Variants in PRKN observed in about 807,000 individuals in gnomAD.
PRKN encodes the protein E3 ubiquitin-protein ligase parkin.
Under a neutral mutation model 59.5 loss-of-function variants are expected in PRKN, and 56 were observed. The observed-to-expected ratio is 0.94, with a 90% CI of 0.76 to 1.18. PRKN has a LOEUF of 1.18. Among genes scored for constraint, PRKN ranks in the 50% most tolerant of loss-of-function variants. The probability of loss-of-function intolerance (pLI) is 0.00; values close to 1 mark genes in which losing one functional copy is unlikely to be tolerated. For missense variants in PRKN, 657 were observed against 596.4 expected, an observed-to-expected ratio of 1.10 and a Z score of -1.06; for synonymous variants, 250 against 222.1, an observed-to-expected ratio of 1.13 and a Z score of -1.12.
chr6:162,127,353 T>A (rs537599941), intron 4 of PRKN, among the ~76,000 whole-genome samples: 2 of 152,342 alleles, frequency 1.3e-5, no homozygotes, highest in African/African-American at 4.8e-5. Context: ...TGCTTTTCAT[T>A]GCTGTCTAGC....
chr6:161,570,622 C>T (rs1367317171), intron 7 of PRKN, among the ~76,000 whole-genome samples: 3 of 152,064 alleles, frequency 2.0e-5, no homozygotes, highest in Middle Eastern at 3.4e-3. Context: ...TTCTTAATAA[C>T]ATTTTCCTTT....
At chr6:162,520,589 C>G in intron 1 of PRKN, among the ~76,000 whole-genome samples, 1 of 152,100 alleles carries the variant, frequency 6.6e-6, no homozygotes, top group South Asian at 2.1e-4. Flanking sequence ...AATATTATTA[C>G]AAACCAATGA....
chr6:162,486,267 C>T (rs1311696898), intron 1 of PRKN, among the ~76,000 whole-genome samples: 2 of 152,128 alleles, frequency 1.3e-5, no homozygotes, highest in Non-Finnish European at 2.9e-5. Context: ...ATATGATGCA[C>T]ATATCAATCT....
intron 9 of PRKN, among the ~76,000 whole-genome samples, chr6:161,489,230 T>C (rs1422509818): frequency 2.6e-5 from 3 of 113,392 alleles, no homozygotes; most frequent in Non-Finnish European, 4.3e-5. Context: ...ACATTCATAC[T>C]GGAAAAAAAA....
intron 4 of PRKN, among the ~76,000 whole-genome samples, chr6:162,116,599 C>T (rs1159857478): frequency 6.6e-6 from 1 of 152,192 alleles, no homozygotes; most frequent in Non-Finnish European, 1.5e-5. Context: ...GTTTACGCTG[C>T]ACATTTAGAT....
At chr6:162,316,219 C>T (rs1316498438) in intron 2 of PRKN, among the ~76,000 whole-genome samples, 1 of 150,394 alleles carries the variant, frequency 6.6e-6, no homozygotes, top group Non-Finnish European at 1.5e-5. Flanking sequence ...GAAAGCAAAA[C>T]TCCATAAGAA....
At chr6:162,322,355 A>T (rs1416238797) in intron 2 of PRKN, among the ~76,000 whole-genome samples, 1 of 152,146 alleles carries the variant, frequency 6.6e-6, no homozygotes, top group Non-Finnish European at 1.5e-5. Context: ...ACGTAACATT[A>T]TTAAAATGTC....
chr6:161,445,141 T>C lies in PRKN; in HGVS notation c.1084-58264A>G, dbSNP rs1789425100. On this transcript the variant is annotated intron_variant, in intron 9 of 11. Transcript: ENST00000366898. The surrounding 1 kb of genome is among the most constrained non-coding windows in gnomAD (Gnocchi z 7.7). ...TCTTGAACTTGACGTGCTCAGCCTC[T>C]CCAAAGCCGCGGCGCTGACACAGCT... Among the ~76,000 whole-genome samples, 1 of 152,088 alleles carries C rather than the reference T, an allele frequency of 6.6e-6. No homozygotes were observed. Among genetic ancestry groups the C allele is most frequent in the Admixed American group, 6.6e-5 (1 of 15,266 alleles).
At chr6:161,587,028 C>A (rs114779337) in intron 7 of PRKN, among the ~76,000 whole-genome samples, 2 of 152,142 alleles carry the variant, frequency 1.3e-5, no homozygotes, top group Non-Finnish European at 2.9e-5. Context: ...CTACACTTAC[C>A]GCTATTGAGG....
At chr6:162,520,128 G>T (rs1379905117) in intron 1 of PRKN, among the ~76,000 whole-genome samples, 1 of 152,036 alleles carries the variant, frequency 6.6e-6, no homozygotes, top group Non-Finnish European at 1.5e-5. Context: ...TAGTGTGGAA[G>T]AACACATTTT....
At position 161,405,415 on chromosome 6, in the gene PRKN, C is replaced by T. The variant is rs4358593; in HGVS notation, c.1084-18538G>A. On this transcript the variant is annotated intron_variant, in intron 9 of 11. Coordinates refer to ENST00000366898, the MANE Select transcript of PRKN (RefSeq NM_004562.3). This position sits in a 1 kb window ranked among gnomAD's most constrained non-coding sequence, Gnocchi z 5.1. Reference sequence around the variant, plus strand: ...CAACATGGTGAAACCCCGTCTCTACCGAAAATGCACAAATTAGCCAGGCAT... The same window carrying T: ...CAACATGGTGAAACCCCGTCTCTACTGAAAATGCACAAATTAGCCAGGCAT... 0.068 allele frequency among the ~76,000 whole-genome samples: 10,232 copies of T among 151,484 alleles called. 410 individuals are homozygous for T. The highest frequency in any genetic ancestry group is 0.08 in the Non-Finnish European group (5,434 of 67,858).
intron 4 of PRKN, among the ~76,000 whole-genome samples, chr6:162,120,157 C>A (rs2128305247): frequency 6.6e-6 from 1 of 152,250 alleles, no homozygotes; most frequent in East Asian, 1.9e-4. Context: ...GGACCACAAG[C>A]ACACCCAGCT....
At chr6:161,564,216 T>C (rs573207421) in intron 8 of PRKN, among the ~76,000 whole-genome samples, 2 of 152,286 alleles carry the variant, frequency 1.3e-5, no homozygotes, top group Admixed American at 6.5e-5. Context: ...GGGAGCCTCA[T>C]TGCCACCATC....
chr6:162,682,717 C>T (rs1430300714), intron 1 of PRKN, among the ~76,000 whole-genome samples: 1 of 151,912 alleles, frequency 6.6e-6, no homozygotes, highest in Non-Finnish European at 1.5e-5. Flanking sequence ...CATGAGTGCA[C>T]CAAACCAACA....
At chr6:161,392,583 C>T (rs1786564025) in intron 9 of PRKN, among the ~76,000 whole-genome samples, 1 of 151,620 alleles carries the variant, frequency 6.6e-6, no homozygotes, top group Admixed American at 6.6e-5. Context: ...GCAAATTCCT[C>T]TCAGAATTCA....
At chr6:162,412,080 G>A (rs1788378846) in intron 2 of PRKN, among the ~76,000 whole-genome samples, 1 of 151,906 alleles carries the variant, frequency 6.6e-6, no homozygotes, top group South Asian at 2.1e-4. Flanking sequence ...TTTGCAAAAT[G>A]AGATCTTAAT....
chr6:161,921,867 G>T (rs1778798242), intron 6 of PRKN, among the ~76,000 whole-genome samples: 1 of 152,192 alleles, frequency 6.6e-6, no homozygotes, highest in Non-Finnish European at 1.5e-5. Context: ...GCACAGGATA[G>T]GCTGACAACT....
intron 2 of PRKN, among the ~76,000 whole-genome samples, chr6:162,387,451 T>A (rs918551270): frequency 1.3e-4 from 20 of 151,900 alleles, no homozygotes; most frequent in African/African-American, 4.4e-4. Flanking sequence ...GAAACAACGA[T>A]AATAATTGCT....
chr6:161,939,418 CAAAAAAAAAA>C (rs34604240), intron 6 of PRKN, among the ~76,000 whole-genome samples: 2 of 39,578 alleles, frequency 5.1e-5, no homozygotes, highest in African/African-American at 2.2e-4. Flanking sequence ...GACTCTGTCT[CAAAAAAAAAA>C]AAAAAAAAAA....
Sources: gnomAD v4.1 joint callset for allele counts (sites outside exome capture counted in the v4.1 genomes callset) on GRCh38, gnomAD v4.1.1 for gene constraint, Gnocchi (gnomAD v3.1) non-coding constraint, MANE v1.5 for transcripts, NCBI Gene and HGNC (gene_info 2026-07-23, HGNC 2026-07-21) for gene names.